HECTD4: variants seen among roughly 807,000 people sequenced by gnomAD.
HECTD4 encodes probable E3 ubiquitin-protein ligase HECTD4.
Under a neutral mutation model 471.5 loss-of-function variants are expected in HECTD4, and 114 were observed. The observed-to-expected ratio is 0.24, with a 90% CI of 0.21 to 0.28. HECTD4 has a LOEUF of 0.28. Among genes scored for constraint, HECTD4 ranks in the 10% least tolerant of loss-of-function variants. The pLI, the probability that HECTD4 is intolerant of heterozygous loss-of-function variation, is 1.00. For synonymous variants in HECTD4, 2,012 were observed against 2,256.0 expected, an observed-to-expected ratio of 0.89 and a Z score of 3.07; for missense variants, 3,866 against 5,651.5, an observed-to-expected ratio of 0.68 and a Z score of 10.13.
chr12:112,217,336 TAC>T (rs71956504), intron 45 of HECTD4, 141 bp from the exon 46 acceptor site: 89,538 of 378,100 alleles, frequency 0.24, 13,064 homozygotes, highest in East Asian at 0.76. Flanking sequence ...CACACACACA[TAC>T]ACACACACAC....
intron 1 of HECTD4, among the ~76,000 whole-genome samples, chr12:112,376,299 C>T (rs1250579883): frequency 1.3e-5 from 2 of 151,750 alleles, no homozygotes; most frequent in Non-Finnish European, 2.9e-5. Context: ...CAGGCTGGAG[C>T]GCAGTGGCCT....
intron 25 of HECTD4, 38 bp from the exon 26 acceptor site, chr12:112,248,550 GCTC>G: frequency 7.3e-7 from 1 of 1,369,784 alleles, no homozygotes; most frequent in South Asian, 1.4e-5. Context: ...TATATGCCAT[GCTC>G]TCAGCTTCTC....
At chr12:112,234,678 C>T (rs1429931034) in intron 37 of HECTD4, among the ~76,000 whole-genome samples, 3 of 152,192 alleles carry the variant, frequency 2.0e-5, no homozygotes, top group Admixed American at 1.3e-4. Context: ...AACTCACAGT[C>T]AATGAGTTGG....
intron 45 of HECTD4, among the ~76,000 whole-genome samples, 158 bp from the exon 46 acceptor site, chr12:112,217,353 ACAC>A (rs2032952399): frequency 6.6e-6 from 1 of 151,776 alleles, no homozygotes; most frequent in South Asian, 2.1e-4. Flanking sequence ...ACACACACAC[ACAC>A]AATTTATTTA....
At chr12:112,254,273 G>A in intron 21 of HECTD4, 111 bp from the exon 22 acceptor site, 1 of 1,322,080 alleles carries the variant, frequency 7.6e-7, no homozygotes, top group African/African-American at 1.5e-5. Flanking sequence ...ACCAGGCATT[G>A]GTGTCATTAT....
chr12:112,198,864 C>T (rs1268440035), intron 55 of HECTD4, among the ~76,000 whole-genome samples: 1 of 152,076 alleles, frequency 6.6e-6, no homozygotes, highest in African/African-American at 2.4e-5. Context: ...CAAGGCACTG[C>T]TTATGATACT....
rs1856829291 is a variant in HECTD4 at position 112,239,468 on chromosome 12, C to A, written c.5106-232G>T. Among the ~76,000 whole-genome samples, 1 of 152,200 alleles carries A rather than the reference C, an allele frequency of 6.6e-6. No homozygotes were observed. The highest frequency in any genetic ancestry group is 6.5e-5 in the Admixed American group (1 of 15,274). ...TATATACAGCAAAAATCGATGGAAT[C>A]AACTCAATGTTGCCATGATGGAAAA... On this transcript the variant is annotated intron_variant, in intron 33 of 75. Coordinates refer to ENST00000682272, the MANE Select transcript of HECTD4 (RefSeq NM_001388303.1). This position sits in a 1 kb window ranked among gnomAD's most constrained non-coding sequence, Gnocchi z 4.9.
rs757778019 is a variant in HECTD4 at position 112,319,503 on chromosome 12, C to T, written c.417G>A (p.Ala139=). The T allele has an allele frequency of 4.0e-6, 6 of 1,485,648 alleles. No individual in the cohort carries two copies. Among genetic ancestry groups the T allele is most frequent in the Non-Finnish European group, 5.3e-6 (6 of 1,121,878 alleles). The allele number at this position is 1,485,648 out of a possible 1,614,324, so 92.0% of individuals were successfully genotyped here. Residue 139 remains alanine (A), a synonymous_variant, in exon 2 of 76, where the codon GCG becomes GCA. Coordinates refer to ENST00000682272, the MANE Select transcript of HECTD4 (RefSeq NM_001388303.1). This position sits in a 1 kb window ranked among gnomAD's most constrained non-coding sequence, Gnocchi z 5.3. ...GGAGCCCCATCCTCGATGTGAAGGG[C>T]GCTTGCTCAGGTTGCTGCAACAAGC... The part of the protein sequence containing the change: ...RQGLLQQPEQ[A]PFTSRMGLLL...
intron 60 of HECTD4, among the ~76,000 whole-genome samples, chr12:112,187,873 G>A (rs1041987797): frequency 2.0e-5 from 3 of 151,374 alleles, no homozygotes; most frequent in Non-Finnish European, 4.4e-5. Flanking sequence ...TGATCCGCCC[G>A]CCTTGGCCTC....
rs558559163 is a variant in HECTD4 at position 112,172,755 on chromosome 12, C to T, written c.11701G>A (p.Ala3901Thr). ...GGATGGAGCCGTGCGGGTGTGATGG[C>T]GAGGTGGCGGCATAGCTGGTTGATG... Reference protein sequence around the residue: ...QYINQLCRHLAITPARLHPHE... With the variant: ...QYINQLCRHLTITPARLHPHE... Residue 3901 changes from alanine to threonine, a missense_variant, in exon 67 of 76, where the codon GCC becomes ACC. Ala to Thr is a moderately conservative substitution (Grantham distance 58). Transcript: ENST00000682272. 4.1e-5 allele frequency: 66 copies of T among 1,613,936 alleles called. No homozygotes were observed. The highest frequency in any genetic ancestry group is 1.2e-4 in the Admixed American group (7 of 60,020).
rs746994197 is a variant in HECTD4 at position 112,219,529 on chromosome 12, G to A, written c.6971-40C>T. 1.7e-5 allele frequency: 25 copies of A among 1,434,632 alleles called. No individual in the cohort carries two copies. The East Asian group carries it at 2.5e-4, about 15-fold the overall frequency. 88.9% of individuals were successfully genotyped at this position (1,434,632 alleles called of 1,614,324 possible). On this transcript the variant is annotated intron_variant, in intron 44 of 75. Transcript: ENST00000682272. ...TGTTGAATCTGTGAAAACAACTCCC[G>A]CAACTCCCAAGTGGGTGCTGACTCT...
chr12:112,214,974 T>TG (rs1283680256), intron 48 of HECTD4, among the ~76,000 whole-genome samples: 1 of 152,018 alleles, frequency 6.6e-6, no homozygotes, highest in Non-Finnish European at 1.5e-5. Flanking sequence ...GCCAGCATGG[T>TG]GAAACCCCGT....
rs1416591858 is a variant in HECTD4 at position 112,266,936 on chromosome 12, A to C, written c.2368T>G (p.Leu790Val). Residue 790 changes from leucine to valine, a missense_variant, in exon 14 of 76, where the codon TTA becomes GTA. Transcript: ENST00000682272. ...CCTTCTGTTAAGACCAGTTTAAGTA[A>C]GTTATTGATTTCAGTTTCACCTGGG... is the stretch of plus-strand genomic sequence containing the variant. ...LYPGETEINN[L>V]LKLVLTEGER... The C allele has an allele frequency of 6.5e-7, 1 of 1,528,814 alleles. No homozygotes were observed. The highest frequency in any genetic ancestry group is 2.4e-5 in the East Asian group (1 of 41,676). 94.7% of individuals were successfully genotyped at this position (1,528,814 alleles called of 1,614,324 possible). A position where few individuals can be genotyped will look rare whatever the true frequency, so the allele number is the denominator to read the frequency against.
chr12:112,340,305 G>C (rs1285652350), intron 1 of HECTD4, among the ~76,000 whole-genome samples: 3 of 152,164 alleles, frequency 2.0e-5, no homozygotes, highest in Non-Finnish European at 2.9e-5. Context: ...CCAATGCAAG[G>C]TGTGATGAGC....
intron 58 of HECTD4, 31 bp from the exon 59 acceptor site, chr12:112,192,796 C>T (rs375150874): frequency 3.3e-4 from 510 of 1,523,548 alleles, no homozygotes; most frequent in Non-Finnish European, 4.3e-4. Context: ...GGTGTTAATA[C>T]AGGGTCTAGC....
intron 1 of HECTD4, among the ~76,000 whole-genome samples, chr12:112,346,129 G>T (rs959686546): frequency 6.6e-6 from 1 of 152,168 alleles, no homozygotes; most frequent in African/African-American, 2.4e-5. Flanking sequence ...GAAAACTGCG[G>T]GTTTAGAAGG....
At chr12:112,325,697 T>C (rs1180062124) in intron 1 of HECTD4, among the ~76,000 whole-genome samples, 2 of 152,204 alleles carry the variant, frequency 1.3e-5, no homozygotes, top group African/African-American at 2.4e-5. Context: ...GAAGTGTTAC[T>C]AACTGTACTT....
rs1566091576 is a variant in HECTD4, at chr12:112,263,707, T to TATATATATATA, written c.2748+376_2748+377insTATATATATAT. 4.4e-3 allele frequency among the ~76,000 whole-genome samples: 605 copies of TATATATATATA among 137,304 alleles called. 4 individuals carry two copies. Among genetic ancestry groups the TATATATATATA allele is most frequent in the African/African-American group, 0.016 (536 of 33,864 alleles). 90.1% of individuals were successfully genotyped at this position (137,304 alleles called of 152,430 possible). A position where few individuals can be genotyped will look rare whatever the true frequency, so the allele number is the denominator to read the frequency against. ...AAATTATTTAATGCTCCCAAGATTT[T>TATATATATATA]TATATATATATATATATACACACAC... On this transcript the variant is annotated intron_variant, in intron 17 of 75. Transcript: ENST00000682272.
chr12:112,358,127 C>T (rs923723333), intron 1 of HECTD4, among the ~76,000 whole-genome samples: 2 of 152,108 alleles, frequency 1.3e-5, no homozygotes, highest in African/African-American at 4.8e-5. Flanking sequence ...TTGCTTGAAC[C>T]TGGGAGGCGT....
Sources: allele counts gnomAD v4.1 joint callset (sites outside exome capture counted in the v4.1 genomes callset), GRCh38; gene constraint gnomAD v4.1.1; non-coding constraint Gnocchi (gnomAD v3.1); transcripts MANE v1.5; gene names NCBI Gene and HGNC (gene_info 2026-07-23, HGNC 2026-07-21).